Variants in TIGIT observed in about 807,000 individuals in gnomAD.
TIGIT encodes the protein T-cell immunoreceptor with Ig and ITIM domains.
A neutral mutation model predicts 19.6 loss-of-function variants in TIGIT; 11 were observed. The observed-to-expected ratio is 0.56, with a 90% confidence interval of 0.35 to 0.93. The LOEUF (loss-of-function observed/expected upper bound fraction) is 0.93. Among genes scored for constraint, TIGIT ranks in the 40% least tolerant of loss-of-function variants. TIGIT has a pLI of 0.01. For synonymous variants in TIGIT, 130 were observed against 125.5 expected, an observed-to-expected ratio of 1.04 and a Z score of -0.24; for missense variants, 295 against 303.9, an observed-to-expected ratio of 0.97 and a Z score of 0.22.
chr3:114,295,325 G>A (rs1335113236), intron 1 of TIGIT, among the ~76,000 whole-genome samples: 1 of 152,122 alleles, frequency 6.6e-6, no homozygotes, highest in East Asian at 1.9e-4. Flanking sequence ...AACCTGAATG[G>A]GGGACTGGGA....
intron 2 of TIGIT, among the ~76,000 whole-genome samples, chr3:114,296,250 G>A (rs1358883303): frequency 6.6e-6 from 1 of 152,232 alleles, no homozygotes; most frequent in Admixed American, 6.5e-5. Context: ...ACCCCTAAGT[G>A]TATAAAGAGT....
chr3:114,303,562 T>TATATATGTATATATATAC (rs1281328907), intron 3 of TIGIT, among the ~76,000 whole-genome samples: 1 of 5,946 alleles, frequency 1.7e-4, no homozygotes, highest in African/African-American at 2.8e-4. Context: ...TATATATATA[T>TATATATGTATATATATAC]ACATATATAT....
In TIGIT at chr3:114,308,239, G is replaced by A. The variant is rs1355665943; in HGVS notation, c.*108G>A. ...GCTGCGTGTGTGTGTGTGTGTGTAT[G>A]TGTGTGTGTGTTCAGTTGAGTGAAT... On this transcript the variant is annotated 3_prime_UTR_variant, in exon 4 of 4. Transcript: ENST00000383671. 2.5e-5 allele frequency: 17 copies of A among 681,138 alleles called. No individual in the cohort carries two copies. Among genetic ancestry groups the A allele is most frequent in the Admixed American group, 5.1e-5 (2 of 39,228 alleles). The allele number at this position is 681,138 out of a possible 1,614,324, so 42.2% of individuals were successfully genotyped here.
chr3:114,303,210 C>T (rs2107952523), intron 3 of TIGIT, among the ~76,000 whole-genome samples: 1 of 151,616 alleles, frequency 6.6e-6, no homozygotes, highest in East Asian at 1.9e-4. Context: ...TTTTGGTGCA[C>T]CCATCACCCG....
intron 2 of TIGIT, 93 bp downstream of exon 2, chr3:114,295,967 G>A (rs1454718730): frequency 2.8e-6 from 3 of 1,056,944 alleles, no homozygotes; most frequent in South Asian, 1.6e-5. Flanking sequence ...TTCTCAATTC[G>A]GGATCACATT....
chr3:114,303,333 G>A (rs148094730), intron 3 of TIGIT, among the ~76,000 whole-genome samples: 43 of 151,758 alleles, frequency 2.8e-4, no homozygotes, highest in African/African-American at 1.0e-3. Flanking sequence ...ACGCCTTTGC[G>A]TCCTCATAGC....
chr3:114,302,686 A>G (rs2078500166), intron 3 of TIGIT, among the ~76,000 whole-genome samples: 1 of 152,220 alleles, frequency 6.6e-6, no homozygotes, highest in African/African-American at 2.4e-5. Context: ...GCCCTAGCCT[A>G]TAGAGGAGAG....
rs149674786 is a variant in TIGIT, at chr3:114,295,780, C to G, written c.297C>G (p.Thr99=). 8 of 1,614,064 alleles carry G rather than the reference C, an allele frequency of 5.0e-6. No homozygotes were observed. In the African/African-American group the frequency reaches 9.3e-5, roughly 19 times the overall value. Residue 99 remains threonine, a synonymous_variant, in exon 2 of 4, where the codon ACC becomes ACG. Transcript: ENST00000383671. ...PGLGLTLQSL[T]VNDTGEYFCI... is the part of the protein sequence containing the mutation. ...TGGGCCTCACCCTCCAGTCGCTGAC[C>G]GTGAACGATACAGGGGAGTACTTCT...
intron 3 of TIGIT, among the ~76,000 whole-genome samples, chr3:114,301,671 C>A (rs1186175447): frequency 6.6e-6 from 1 of 152,174 alleles, no homozygotes. Flanking sequence ...TAACTTTGGT[C>A]ATCTGGAGGG....
intron 3 of TIGIT, among the ~76,000 whole-genome samples, chr3:114,305,909 A>ATAGATGG (rs2078532079): frequency 7.6e-6 from 1 of 131,420 alleles, no homozygotes; most frequent in South Asian, 2.5e-4. Context: ...TAGATAGATG[A>ATAGATGG]GGAGGGATTT....
rs1472574361 is a variant in TIGIT, at chr3:114,308,219, G to A, written c.*88G>A. On this transcript the variant is annotated 3_prime_UTR_variant, in exon 4 of 4. Transcript: ENST00000383671. ...CAGCTGTACTCTCCATCAGTGCTGC[G>A]TGTGTGTGTGTGTGTGTATGTGTGT... 1.0e-5 allele frequency: 5 copies of A among 484,420 alleles called. No individual in the cohort carries two copies. The highest frequency in any genetic ancestry group is 9.9e-5 in the East Asian group (2 of 20,240). 30.0% of individuals were successfully genotyped at this position (484,420 alleles called of 1,614,324 possible). A position where few individuals can be genotyped will look rare whatever the true frequency, so the allele number is the denominator to read the frequency against.
At chr3:114,300,760 AG>A (rs2078487492) in intron 3 of TIGIT, among the ~76,000 whole-genome samples, 2 of 152,114 alleles carry the variant, frequency 1.3e-5, no homozygotes, top group South Asian at 4.1e-4. Flanking sequence ...TGAGAGAGAG[AG>A]AGAAATGAGG....
chr3:114,307,998 T>C lies in TIGIT; in HGVS notation c.602T>C (p.Val201Ala). The C allele has an allele frequency of 6.2e-7, 1 of 1,614,170 alleles. No homozygotes were observed. The highest frequency in any genetic ancestry group is 8.5e-7 in the Non-Finnish European group (1 of 1,180,036). Reference sequence around the variant, plus strand: ...GCTCCCTCACCCCCAGGAAGCTGTGTCCAGGCAGAAGCTGCACCTGCTGGG... The same window carrying C: ...GCTCCCTCACCCCCAGGAAGCTGTGCCCAGGCAGAAGCTGCACCTGCTGGG... Reference protein sequence around the residue: ...PSAPSPPGSCVQAEAAPAGLC... With the variant: ...PSAPSPPGSCAQAEAAPAGLC... Residue 201 changes from valine (V) to alanine (A), a missense_variant, in exon 4 of 4, where the codon GTC becomes GCC. Coordinates refer to ENST00000383671, the MANE Select transcript of TIGIT (RefSeq NM_173799.4).
Position 114,299,711 on chromosome 3 carries a change from C to T in TIGIT, c.498+8C>T, listed in dbSNP as rs906367559. 1 of 1,594,884 alleles carries T rather than the reference C, an allele frequency of 6.3e-7. No homozygotes were observed. ...GTCGCGTTGACTAGAAAGGTAATGG[C>T]TCCGGCTGCACACCGCAGTCATGGG... On this transcript the variant is annotated splice_region_variant and intron_variant, in intron 3 of 3. Transcript: ENST00000383671.
intron 3 of TIGIT, among the ~76,000 whole-genome samples, chr3:114,301,207 A>C (rs551242713): frequency 6.6e-6 from 1 of 152,296 alleles, no homozygotes; most frequent in Admixed American, 6.5e-5. Flanking sequence ...TTTGGGAAAC[A>C]CAAGTTTGTA....
chr3:114,297,035 T>C (rs1265242919), intron 2 of TIGIT, among the ~76,000 whole-genome samples: 1 of 152,034 alleles, frequency 6.6e-6, no homozygotes, highest in Non-Finnish European at 1.5e-5. Flanking sequence ...TATCTGGGAT[T>C]ACAGGCACCC....
At chr3:114,296,917 G>A (rs1157205723) in intron 2 of TIGIT, among the ~76,000 whole-genome samples, 3 of 142,896 alleles carry the variant, frequency 2.1e-5, no homozygotes, top group African/African-American at 5.3e-5. Flanking sequence ...TTTTTGAGAC[G>A]GAGTTTCGCT....
Position 114,308,312 on chromosome 3 carries a change from A to G in TIGIT, c.*181A>G, listed in dbSNP as rs2078549649. 1.7e-6 allele frequency: 1 copy of G among 602,182 alleles called. No individual in the cohort carries two copies. The highest frequency in any genetic ancestry group is 2.9e-6 in the Non-Finnish European group (1 of 342,570). The allele number at this position is 602,182 out of a possible 1,614,324, so 37.3% of individuals were successfully genotyped here. A position where few individuals can be genotyped will look rare whatever the true frequency, so the allele number is the denominator to read the frequency against. ...TTCATTTCCTTGGCCTTTTCGTTCT[A>G]TTCCATTTTGCATTATGGCAGGCCT... On this transcript the variant is annotated 3_prime_UTR_variant, in exon 4 of 4. Transcript: ENST00000383671.
chr3:114,305,028 G>A (rs889067131), intron 3 of TIGIT, among the ~76,000 whole-genome samples: 2 of 152,186 alleles, frequency 1.3e-5, no homozygotes, highest in Non-Finnish European at 2.9e-5. Flanking sequence ...CCAAGGAGGA[G>A]CTTTAACTCT....
Sources: gnomAD v4.1 joint callset for allele counts (sites outside exome capture counted in the v4.1 genomes callset) on GRCh38, gnomAD v4.1.1 for gene constraint, MANE v1.5 for transcripts, NCBI Gene and HGNC (gene_info 2026-07-23, HGNC 2026-07-21) for gene names.